Variants in ESRRG observed in about 807,000 individuals in gnomAD.
ESRRG encodes estrogen-related receptor gamma.
Under a neutral mutation model 44.0 loss-of-function variants are expected in ESRRG, and 13 were observed. The ratio of observed to expected loss-of-function variants is 0.30; its 90% CI spans 0.19 to 0.47. ESRRG has a LOEUF of 0.47. Among genes scored for constraint, ESRRG ranks in the 20% least tolerant of loss-of-function variants. The pLI is 1.00. For synonymous variants in ESRRG, 215 were observed against 214.6 expected (o/e 1.00, Z -0.02); for missense variants, 395 against 580.6 (o/e 0.68, Z 3.29).
At chr1:216,981,966 G>A (rs1265230767) in intron 1 of ESRRG, among the ~76,000 whole-genome samples, 1 of 152,192 alleles carries the variant, frequency 6.6e-6, no homozygotes, top group Non-Finnish European at 1.5e-5. Flanking sequence ...ACAGTAATGG[G>A]AGCTCTCTTT....
At chr1:217,103,529 T>G (rs548978461) in intron 1 of ESRRG, among the ~76,000 whole-genome samples, 58 of 150,284 alleles carry the variant, frequency 3.9e-4, no homozygotes, top group African/African-American at 1.3e-3. Flanking sequence ...TGGTGGCATG[T>G]GCTTGTGGTC....
At chr1:216,860,809 C>T (rs1663680127) in intron 2 of ESRRG, among the ~76,000 whole-genome samples, 1 of 151,954 alleles carries the variant, frequency 6.6e-6, no homozygotes, top group Non-Finnish European at 1.5e-5. Context: ...ATGAAGAACA[C>T]AAGAAATGGT....
intron 1 of ESRRG, among the ~76,000 whole-genome samples, chr1:217,064,450 C>A (rs1181781291): frequency 1.3e-5 from 2 of 152,088 alleles, no homozygotes; most frequent in African/African-American, 4.8e-5. Flanking sequence ...CAGTCACATG[C>A]TAATAAGCGG....
chr1:216,748,267 A>T (rs1351294545), intron 2 of ESRRG, among the ~76,000 whole-genome samples: 1 of 152,172 alleles, frequency 6.6e-6, no homozygotes, highest in South Asian at 2.1e-4. Flanking sequence ...GGAAATGGAC[A>T]TTTTGTGGCA....
At chr1:217,005,245 A>G (rs750699151) in intron 1 of ESRRG, among the ~76,000 whole-genome samples, 25 of 152,198 alleles carry the variant, frequency 1.6e-4, no homozygotes, top group Non-Finnish European at 3.4e-4. Context: ...AGAACTATTC[A>G]GGTCCAACCA....
At chr1:217,116,237 C>T (rs1486467071) in intron 1 of ESRRG, among the ~76,000 whole-genome samples, 17 of 152,112 alleles carry the variant, frequency 1.1e-4, no homozygotes, top group Admixed American at 9.8e-4. Context: ...TGTATAAAGC[C>T]ATCACCAGGA....
At chr1:216,865,800 A>T (rs972231861) in intron 2 of ESRRG, among the ~76,000 whole-genome samples, 1 of 152,226 alleles carries the variant, frequency 6.6e-6, no homozygotes, top group African/African-American at 2.4e-5. Flanking sequence ...AATCAGAACT[A>T]AAGTTTTCTT....
At chr1:216,910,670 C>G (rs992392049) in intron 2 of ESRRG, among the ~76,000 whole-genome samples, 1 of 152,110 alleles carries the variant, frequency 6.6e-6, no homozygotes, top group South Asian at 2.1e-4. Context: ...GAAATGGGGC[C>G]GACAATGCTT....
At chr1:217,122,934 C>T (rs111817697) in intron 1 of ESRRG, among the ~76,000 whole-genome samples, 3,354 of 151,954 alleles carry the variant, frequency 0.022, 128 homozygotes, top group African/African-American at 0.076. Context: ...TCAGGTTATC[C>T]GCCTGCCTCG....
At chr1:216,680,858 A>G (rs2076921439) in intron 1 of ESRRG, among the ~76,000 whole-genome samples, 1 of 152,182 alleles carries the variant, frequency 6.6e-6, no homozygotes, top group Non-Finnish European at 1.5e-5. Flanking sequence ...CTTCAATCTA[A>G]AATTAGAGGC....
intron 3 of ESRRG, among the ~76,000 whole-genome samples, chr1:216,647,160 G>A (rs1340016595): frequency 6.6e-6 from 1 of 152,046 alleles, no homozygotes; most frequent in Non-Finnish European, 1.5e-5. Context: ...ACCTTGATTA[G>A]TTCTTGTTAT....
intron 2 of ESRRG, among the ~76,000 whole-genome samples, chr1:216,792,835 T>C (rs2094360750): frequency 6.6e-6 from 1 of 150,834 alleles, no homozygotes; most frequent in South Asian, 2.2e-4. Context: ...ATAGGAGCCA[T>C]GGAGGGGACT....
chr1:216,658,618 C>T (rs1053328411), intron 2 of ESRRG, among the ~76,000 whole-genome samples: 6 of 147,396 alleles, frequency 4.1e-5, no homozygotes, highest in South Asian at 2.1e-4. Context: ...GTCAGGAGTT[C>T]GAAACCAGCC....
intron 5 of ESRRG, among the ~76,000 whole-genome samples, chr1:216,548,068 T>A (rs2149351175): frequency 6.6e-6 from 1 of 152,186 alleles, no homozygotes; most frequent in South Asian, 2.1e-4. Context: ...ACAGTATTTT[T>A]AAAAATTCAC....
At chr1:216,864,654 A>T (rs1220040313) in intron 2 of ESRRG, 1 of 152,210 alleles carries the variant, frequency 6.6e-6, no homozygotes, top group Non-Finnish European at 1.5e-5. Context: ...TAGAGTTAGG[A>T]ACAACTCCGT....
intron 1 of ESRRG, among the ~76,000 whole-genome samples, chr1:216,716,529 C>T (rs550446336): frequency 6.6e-6 from 1 of 151,882 alleles, no homozygotes; most frequent in East Asian, 1.9e-4. Flanking sequence ...TTTTCTTTGG[C>T]TAGGTAAGTC....
At chr1:217,022,730 T>C (rs2080540074) in intron 1 of ESRRG, among the ~76,000 whole-genome samples, 1 of 152,156 alleles carries the variant, frequency 6.6e-6, no homozygotes, top group African/African-American at 2.4e-5. Context: ...GGAAGCAATG[T>C]ACACTTTGTT....
intron 1 of ESRRG, among the ~76,000 whole-genome samples, chr1:217,081,932 C>A (rs1023248904): frequency 6.6e-6 from 1 of 152,204 alleles, no homozygotes; most frequent in Non-Finnish European, 1.5e-5. Flanking sequence ...ATAAAGAACA[C>A]AATTACTGAA....
intron 1 of ESRRG, among the ~76,000 whole-genome samples, chr1:217,038,959 GCCAAATAT>G (rs1318482818): frequency 1.3e-5 from 2 of 152,162 alleles, no homozygotes; most frequent in African/African-American, 4.8e-5. Context: ...AATGTCTTCT[GCCAAATAT>G]CCTAAATGAT....
Sources: gnomAD v4.1 joint callset for allele counts (sites outside exome capture counted in the v4.1 genomes callset) on GRCh38, gnomAD v4.1.1 for gene constraint, MANE v1.5 for transcripts, NCBI Gene and HGNC (gene_info 2026-07-23, HGNC 2026-07-21) for gene names.